The following NF2 variants were observed in gnomAD, a reference collection of about 807,000 sequenced individuals.
The protein encoded by NF2 is NF2, moesin-ezrin-radixin like (MERLIN) tumor suppressor.
A neutral mutation model predicts 83.7 loss-of-function variants in NF2; 8 were observed. The observed-to-expected ratio is 0.10, with a 90% confidence interval of 0.06 to 0.17. The LOEUF is 0.17. NF2 is among the 10% of genes least tolerant of loss of function. The pLI is 1.00. For missense variants in NF2, 533 were observed against 744.4 expected (o/e 0.72, Z 3.31); for synonymous variants, 266 against 269.6 (o/e 0.99, Z 0.13).
At chr22:29,693,298 T>C (rs1452980624) in intron 15 of NF2, among the ~76,000 whole-genome samples, 1 of 152,196 alleles carries the variant, frequency 6.6e-6, no homozygotes, top group Non-Finnish European at 1.5e-5. Context: ...GAACCGGGCT[T>C]TCCAAAGGGC....
At chr22:29,631,493 A>C (rs1439148956) in intron 1 of NF2, among the ~76,000 whole-genome samples, 2 of 152,170 alleles carry the variant, frequency 1.3e-5, no homozygotes, top group East Asian at 3.9e-4. Flanking sequence ...TCTTGTCCTC[A>C]ATTCATCATT....
rs2147073979 is a variant in NF2 at position 29,671,936 on chromosome 22, C to T, written c.1110C>T (p.Ala370=). The T allele has an allele frequency of 6.2e-7, 1 of 1,614,136 alleles. No individual in the cohort carries two copies. The highest frequency in any genetic ancestry group is 8.5e-7 in the Non-Finnish European group (1 of 1,180,012). Residue 370 remains alanine, a synonymous_variant, in exon 11 of 16, where the codon GCC becomes GCT. Coordinates refer to ENST00000338641, the MANE Select transcript of NF2 (RefSeq NM_000268.4). ...LLQMKEEATM[A]NEALMRSEET... is the part of the protein sequence containing the mutation. ...AGATGAAAGAAGAAGCAACAATGGC[C>T]AACGAAGCACTGGTGATTTCTGAGG...
At chr22:29,644,521 C>T (rs577350173) in intron 4 of NF2, among the ~76,000 whole-genome samples, 232 of 149,456 alleles carry the variant, frequency 1.6e-3, no homozygotes, top group African/African-American at 5.4e-3. Context: ...GACGGGGTGG[C>T]GGCCGGGCAG....
At chr22:29,624,334 A>C (rs2065287938) in intron 1 of NF2, among the ~76,000 whole-genome samples, 1 of 152,012 alleles carries the variant, frequency 6.6e-6, no homozygotes, top group Non-Finnish European at 1.5e-5. Context: ...CAGCCTCCTG[A>C]GTAGCTGGGA....
chr22:29,653,170 G>C (rs2066198346), intron 4 of NF2, among the ~76,000 whole-genome samples: 1 of 152,140 alleles, frequency 6.6e-6, no homozygotes, highest in South Asian at 2.1e-4. Flanking sequence ...ATTAGGCCAG[G>C]CGCGGTGGCT....
chr22:29,604,847 C>T (rs559099489), intron 1 of NF2, among the ~76,000 whole-genome samples: 25 of 152,334 alleles, frequency 1.6e-4, no homozygotes, highest in African/African-American at 6.0e-4. Context: ...ACTTTGTAGA[C>T]TAGAGAATCT....
At chr22:29,610,240 G>A (rs909285639) in intron 1 of NF2, among the ~76,000 whole-genome samples, 2 of 151,868 alleles carry the variant, frequency 1.3e-5, no homozygotes, top group African/African-American at 4.8e-5. Context: ...CAGCTACTCA[G>A]GAGGTTAAGG....
At chr22:29,672,309 CTTTT>C (rs779561094) in intron 11 of NF2, among the ~76,000 whole-genome samples, 7 of 123,622 alleles carry the variant, frequency 5.7e-5, no homozygotes, top group East Asian at 4.7e-4. Flanking sequence ...CCACATGTCT[CTTTT>C]TTTTTTTTTT....
At chr22:29,634,244 C>G (rs2065590586) in intron 1 of NF2, among the ~76,000 whole-genome samples, 1 of 152,206 alleles carries the variant, frequency 6.6e-6, no homozygotes, top group Non-Finnish European at 1.5e-5. Flanking sequence ...CAACTCTTGA[C>G]AGTCTACGAT....
chr22:29,634,026 G>T (rs567728102), intron 1 of NF2, among the ~76,000 whole-genome samples: 1 of 152,308 alleles, frequency 6.6e-6, no homozygotes, highest in Non-Finnish European at 1.5e-5. Context: ...ACTGGAAAAG[G>T]TGTCTGGGGA....
chr22:29,664,735 G>A (rs2066569697), intron 8 of NF2, among the ~76,000 whole-genome samples: 1 of 152,192 alleles, frequency 6.6e-6, no homozygotes, highest in South Asian at 2.1e-4. Flanking sequence ...GCTTATTTTA[G>A]GTTGTCAAGA....
rs183471725 is a variant in NF2, at chr22:29,669,470, A to G, written c.999+1024A>G. Among the ~76,000 whole-genome samples, 369 of 152,334 alleles carry G rather than the reference A, an allele frequency of 2.4e-3. 1 individual carries two copies. Among genetic ancestry groups the G allele is most frequent in the Non-Finnish European group, 7.5e-4 (51 of 68,024 alleles). On this transcript the variant is annotated intron_variant, in intron 10 of 15. Coordinates refer to ENST00000338641, the MANE Select transcript of NF2 (RefSeq NM_000268.4). The stretch of plus-strand genomic sequence containing the variant: ...TGCAGTGAGCTATGATTGCACCACT[A>G]CATTCCAGCCTGGGTGACCAAGCAA...
chr22:29,624,434 C>T (rs1230274323), intron 1 of NF2, among the ~76,000 whole-genome samples: 1 of 152,108 alleles, frequency 6.6e-6, no homozygotes, highest in Non-Finnish European at 1.5e-5. Context: ...CCTGGAACTC[C>T]TAACCTCAAG....
rs115577468 is a variant in NF2 at position 29,611,558 on chromosome 22, T to G, written c.114+7446T>G. 8.5e-3 allele frequency among the ~76,000 whole-genome samples: 1,289 copies of G among 152,254 alleles called. 14 individuals are homozygous for G. The highest frequency in any genetic ancestry group is 0.029 in the African/African-American group (1,195 of 41,552). On this transcript the variant is annotated intron_variant, in intron 1 of 15. Transcript: ENST00000338641. Reference sequence around the variant, plus strand: ...ACAAACAAAATAGTGAAAGACTGTATGCTTATCCTTAAGATTAGGAAAAAG... The same window carrying G: ...ACAAACAAAATAGTGAAAGACTGTAGGCTTATCCTTAAGATTAGGAAAAAG...
intron 14 of NF2, among the ~76,000 whole-genome samples, chr22:29,679,861 G>C (rs1399141724): frequency 6.9e-6 from 1 of 144,324 alleles, no homozygotes; most frequent in African/African-American, 2.5e-5. Context: ...GAGACACCCT[G>C]TCTCAAAAAA....
intron 8 of NF2, among the ~76,000 whole-genome samples, chr22:29,662,932 T>C (rs1030799460): frequency 1.3e-5 from 2 of 152,204 alleles, no homozygotes; most frequent in African/African-American, 4.8e-5. Context: ...TGTTGCTGCC[T>C]GCAGAGCCCC....
rs2147074655 is a variant in NF2 at position 29,671,968 on chromosome 22, G to A, written c.1122+20G>A. 1 of 1,614,094 alleles carries A rather than the reference G, an allele frequency of 6.2e-7. No individual in the cohort carries two copies. The highest frequency in any genetic ancestry group is 8.5e-7 in the Non-Finnish European group (1 of 1,180,004). On this transcript the variant is annotated intron_variant, in intron 11 of 15. Transcript: ENST00000338641. The stretch of plus-strand genomic sequence containing the variant: ...GCACTGGTGATTTCTGAGGGGCTGG[G>A]GTTCCAGGAGGCTACTTGGGGACTT...
intron 4 of NF2, among the ~76,000 whole-genome samples, chr22:29,645,568 C>T (rs2065960922): frequency 6.6e-6 from 1 of 152,180 alleles, no homozygotes; most frequent in African/African-American, 2.4e-5. Context: ...ATGAAGCAGT[C>T]ATTGGCACTT....
At chr22:29,639,291 A>G (rs1275983300) in intron 3 of NF2, 79 bp downstream of exon 3, 4 of 1,569,206 alleles carry the variant, frequency 2.5e-6, no homozygotes, top group Non-Finnish European at 3.5e-6. Flanking sequence ...AGAGTTGACC[A>G]CAAACACCTT....
Sources: allele counts gnomAD v4.1 joint callset (sites outside exome capture counted in the v4.1 genomes callset), GRCh38; gene constraint gnomAD v4.1.1; transcripts MANE v1.5; gene names NCBI Gene and HGNC (gene_info 2026-07-23, HGNC 2026-07-21).